Variants in RAPGEF5 observed in about 807,000 individuals in gnomAD.
RAPGEF5 encodes the protein M-Ras-regulated GEF.
Under a neutral mutation model 125.2 loss-of-function variants are expected in RAPGEF5, and 65 were observed. That is an observed-to-expected ratio of 0.52 (90% CI 0.43 to 0.64). The LOEUF (loss-of-function observed/expected upper bound fraction) is 0.64. Ranked by LOEUF, RAPGEF5 falls within the 30% of genes least tolerant of loss-of-function variation. The pLI is 0.00. For synonymous variants in RAPGEF5, 391 were observed against 385.9 expected, an observed-to-expected ratio of 1.01 and a Z score of -0.16; for missense variants, 958 against 1,048.1, an observed-to-expected ratio of 0.91 and a Z score of 1.19.
chr7:22,246,766 T>C (rs756756503), intron 7 of RAPGEF5, among the ~76,000 whole-genome samples: 2 of 151,802 alleles, frequency 1.3e-5, no homozygotes, highest in East Asian at 3.9e-4. Context: ...GACAGCAAAA[T>C]AAATTATCAA....
chr7:22,142,661 G>A (rs146726377), intron 20 of RAPGEF5, among the ~76,000 whole-genome samples: 2 of 152,288 alleles, frequency 1.3e-5, no homozygotes, highest in East Asian at 1.9e-4. Flanking sequence ...CTCTGTTAAC[G>A]AGGGTCATTC....
intron 8 of RAPGEF5, among the ~76,000 whole-genome samples, chr7:22,227,734 CA>C (rs1785955218): frequency 6.6e-6 from 1 of 151,964 alleles, no homozygotes; most frequent in African/African-American, 2.4e-5. Context: ...CCCAGCTACT[CA>C]AGAGGCTGAG....
chr7:22,307,317 G>A (rs942452587), intron 5 of RAPGEF5, among the ~76,000 whole-genome samples: 3 of 152,012 alleles, frequency 2.0e-5, no homozygotes, highest in Non-Finnish European at 4.4e-5. Context: ...TATTGTACAC[G>A]CTGGTGTAAA....
At chr7:22,239,374 AGGTGTGCTGTATGTTCG>A (rs1047923385) in intron 7 of RAPGEF5, among the ~76,000 whole-genome samples, 19 of 152,212 alleles carry the variant, frequency 1.2e-4, no homozygotes, top group Non-Finnish European at 7.3e-5. Context: ...GTTTGAATAA[AGGTGTGCTGTATGTTCG>A]GGAAAGCCAT....
rs1782539692 is a variant in RAPGEF5 at position 22,120,069 on chromosome 7, T to C, written c.*2337A>G. On this transcript the variant is annotated 3_prime_UTR_variant, in exon 26 of 26. Transcript: ENST00000665637. This position sits in a 1 kb window ranked among gnomAD's most constrained non-coding sequence, Gnocchi z 4.0. ...AAACCTCTGGAGACAGTTGTTAAAC[T>C]TCAGAAAGATGCAGAGATTTTAGAC... 6.6e-6 allele frequency: 1 copy of C among 152,200 alleles called. No homozygotes were observed. Among genetic ancestry groups the C allele is most frequent in the African/African-American group, 2.4e-5 (1 of 41,448 alleles). The allele number at this position is 152,200 out of a possible 1,614,324, so 9.4% of individuals were successfully genotyped here. A position where few individuals can be genotyped will look rare whatever the true frequency, so the allele number is the denominator to read the frequency against.
intron 6 of RAPGEF5, among the ~76,000 whole-genome samples, chr7:22,285,364 T>A (rs1404800326): frequency 1.3e-5 from 2 of 152,176 alleles, no homozygotes; most frequent in East Asian, 3.9e-4. Flanking sequence ...CAACGAAGAT[T>A]ACCCCCAGAT....
chr7:22,335,706 AAC>A (rs1237792235), intron 1 of RAPGEF5, among the ~76,000 whole-genome samples: 9,860 of 82,240 alleles, frequency 0.12, 444 homozygotes, highest in Non-Finnish European at 0.17. Flanking sequence ...AAAAAAAAAC[AAC>A]AAAACAACAA....
intron 20 of RAPGEF5, among the ~76,000 whole-genome samples, chr7:22,142,628 A>T (rs957705353): frequency 6.6e-6 from 1 of 152,254 alleles, no homozygotes; most frequent in Non-Finnish European, 1.5e-5. Context: ...TGCAAATATT[A>T]GATGCCATTC....
rs143740026 is a variant in RAPGEF5, at chr7:22,156,687, A to G, written c.1636+123T>C. The G allele has an allele frequency of 4.1e-4, 599 of 1,475,880 alleles. 3 individuals carry two copies. In the African/African-American group the frequency reaches 4.7e-3, roughly 12 times the overall value. 91.4% of individuals were successfully genotyped at this position (1,475,880 alleles called of 1,614,324 possible). Reference sequence around the variant, plus strand: ...AAGAAAAACCATGCTGTTTGAGGCTAACGTGCTTATCTGAGGGGTGACAGC... The same window carrying G: ...AAGAAAAACCATGCTGTTTGAGGCTGACGTGCTTATCTGAGGGGTGACAGC... On this transcript the variant is annotated intron_variant, in intron 16 of 25. Coordinates refer to ENST00000665637, the MANE Select transcript of RAPGEF5 (RefSeq NM_012294.5).
chr7:22,274,964 C>T (rs1200832275), intron 6 of RAPGEF5, among the ~76,000 whole-genome samples: 1 of 152,188 alleles, frequency 6.6e-6, no homozygotes, highest in African/African-American at 2.4e-5. Flanking sequence ...TCAGTATCAT[C>T]TCTATCTCCA....
chr7:22,239,945 A>G (rs1429282240), intron 7 of RAPGEF5, among the ~76,000 whole-genome samples: 6 of 152,072 alleles, frequency 3.9e-5, no homozygotes, highest in Admixed American at 3.9e-4. Flanking sequence ...GTGGTGGCTC[A>G]TGCCTGTAAT....
chr7:22,310,022 G>A lies in RAPGEF5; in HGVS notation c.458C>T (p.Ser153Phe). 4.4e-6 allele frequency: 7 copies of A among 1,602,750 alleles called. No individual in the cohort carries two copies. The highest frequency in any genetic ancestry group is 6.0e-6 in the Non-Finnish European group (7 of 1,176,180). The stretch of plus-strand genomic sequence containing the variant: ...GAGTTGCCAGACTCCTATGGCCATA[G>A]ATCTGCACTGGACGAAAGGACAGTG... ...LEHCPFVQCR[S>F]MAIGVWQLLL... is the part of the protein sequence containing the mutation. The change falls in exon 4 of 26, where the codon TCT (serine) becomes TTT (phenylalanine). Residue 153 changes from serine to phenylalanine, a missense_variant. Ser to Phe is a radical substitution (Grantham distance 155). Transcript: ENST00000665637.
intron 5 of RAPGEF5, among the ~76,000 whole-genome samples, chr7:22,294,095 A>C (rs1285090323): frequency 1.3e-5 from 2 of 152,014 alleles, no homozygotes; most frequent in African/African-American, 4.8e-5. Context: ...TTATTACTAA[A>C]GGGGGCTGTG....
chr7:22,250,794 G>C (rs1439451095), intron 7 of RAPGEF5, among the ~76,000 whole-genome samples: 1 of 152,182 alleles, frequency 6.6e-6, no homozygotes, highest in African/African-American at 2.4e-5. Flanking sequence ...ATGTATAATT[G>C]AGAGAAGGGG....
At chr7:22,128,922 T>C (rs1562702981) in intron 24 of RAPGEF5, among the ~76,000 whole-genome samples, 2 of 152,362 alleles carry the variant, frequency 1.3e-5, no homozygotes, top group East Asian at 3.9e-4. Flanking sequence ...CCTTAAACTT[T>C]CTCAAAGAAT....
At chr7:22,132,883 C>T (rs979686868) in intron 23 of RAPGEF5, among the ~76,000 whole-genome samples, 10 of 152,172 alleles carry the variant, frequency 6.6e-5, no homozygotes, top group Non-Finnish European at 7.3e-5. Context: ...GCCCCAAGGA[C>T]GTCTATGGCT....
At chr7:22,230,974 GA>G in intron 7 of RAPGEF5, 55 bp from the exon 8 acceptor site, 1 of 1,494,182 alleles carries the variant, frequency 6.7e-7, no homozygotes, top group Non-Finnish European at 9.1e-7. Flanking sequence ...AAATGCTTCA[GA>G]TAATTTTCTT....
At chr7:22,280,135 A>C (rs539831303) in intron 6 of RAPGEF5, among the ~76,000 whole-genome samples, 7 of 152,384 alleles carry the variant, frequency 4.6e-5, no homozygotes, top group Non-Finnish European at 8.8e-5. Flanking sequence ...CCATGGAATT[A>C]TAATCCAGAG....
rs577716544 is a variant in RAPGEF5 at position 22,223,826 on chromosome 7, A to G, written c.871-3835T>C. Among the ~76,000 whole-genome samples the G allele has an allele frequency of 2.6e-5, 4 of 152,278 alleles. No homozygotes were observed. The South Asian group carries it at 8.3e-4, about 32-fold the overall frequency. On this transcript the variant is annotated intron_variant, in intron 8 of 25. Coordinates refer to ENST00000665637, the MANE Select transcript of RAPGEF5 (RefSeq NM_012294.5). ...AAAATAAGAAGAGAGTTATGATCTG[A>G]AAATAAGAAATTGTGGGGAGATGCT...
Sources: gnomAD v4.1 joint callset for allele counts (sites outside exome capture counted in the v4.1 genomes callset) on GRCh38, gnomAD v4.1.1 for gene constraint, Gnocchi (gnomAD v3.1) non-coding constraint, MANE v1.5 for transcripts, NCBI Gene and HGNC (gene_info 2026-07-23, HGNC 2026-07-21) for gene names.